Variants in MAPK4 observed in about 807,000 individuals in gnomAD.
MAPK4 encodes the protein mitogen-activated protein kinase 4.
MAPK4 carries 22 observed loss-of-function variants against 47.7 expected under a neutral mutation model. That is an observed-to-expected ratio of 0.46 (90% CI 0.33 to 0.66). The LOEUF is 0.66. Ranked by LOEUF, MAPK4 falls within the 30% of genes least tolerant of loss-of-function variation. The probability of loss-of-function intolerance (pLI) is 0.02; values close to 1 mark genes in which losing one functional copy is unlikely to be tolerated. For synonymous variants in MAPK4, 390 were observed against 365.7 expected (o/e 1.07, Z -0.76); for missense variants, 736 against 831.7 (o/e 0.88, Z 1.42).
rs937159327 is a variant in MAPK4, at chr18:50,729,443, C to T, written c.1353C>T (p.Tyr451=). The change falls in exon 6 of 6, where the codon TAC becomes TAT. Residue 451 remains tyrosine (Y), a synonymous_variant. Coordinates refer to ENST00000400384, the MANE Select transcript of MAPK4 (RefSeq NM_002747.4). ...LLWRDNKPHH[Y]SEPKLILDLS... is the part of the protein sequence containing the mutation. ...GGCGCGACAACAAGCCGCACCACTACTCGGAGCCCAAGCTCATCCTGGACC... is the reference window on the plus strand; with the variant it reads ...GGCGCGACAACAAGCCGCACCACTATTCGGAGCCCAAGCTCATCCTGGACC... 6.5e-7 allele frequency: 1 copy of T among 1,534,606 alleles called. No individual in the cohort carries two copies. The highest frequency in any genetic ancestry group is 1.9e-5 in the Admixed American group (1 of 51,360).
intron 1 of MAPK4, among the ~76,000 whole-genome samples, chr18:50,598,101 C>T (rs1598810223): frequency 6.6e-6 from 1 of 152,230 alleles, no homozygotes; most frequent in Non-Finnish European, 1.5e-5. Context: ...CCCCTCCAAC[C>T]ACTACCACAA....
chr18:50,597,897 A>G (rs1205710076), intron 1 of MAPK4, among the ~76,000 whole-genome samples: 1 of 152,214 alleles, frequency 6.6e-6, no homozygotes, highest in African/African-American at 2.4e-5. Context: ...CTCTGAAAAT[A>G]TATAAAAGTG....
chr18:50,689,638 C>T (rs1029045664), intron 2 of MAPK4, among the ~76,000 whole-genome samples: 15 of 152,156 alleles, frequency 9.9e-5, no homozygotes, highest in African/African-American at 3.6e-4. Context: ...GTAGCTCACG[C>T]CTGTAATCCC....
intron 1 of MAPK4, among the ~76,000 whole-genome samples, chr18:50,615,981 T>G (rs1472329274): frequency 1.3e-5 from 2 of 152,206 alleles, no homozygotes; most frequent in Non-Finnish European, 2.9e-5. Flanking sequence ...TCAGTTCTTC[T>G]TTTTCCATAA....
At chr18:50,601,678 T>A (rs1413039866) in intron 1 of MAPK4, among the ~76,000 whole-genome samples, 1 of 152,166 alleles carries the variant, frequency 6.6e-6, no homozygotes, top group African/African-American at 2.4e-5. Flanking sequence ...TTCTTGGAGA[T>A]CCTGTTTGCT....
chr18:50,652,879 C>T, intron 1 of MAPK4, among the ~76,000 whole-genome samples: 1 of 151,950 alleles, frequency 6.6e-6, no homozygotes, highest in Non-Finnish European at 1.5e-5. Context: ...TAAACTTAGA[C>T]CTAAAGGATG....
intron 2 of MAPK4, among the ~76,000 whole-genome samples, chr18:50,701,639 C>T (rs898924151): frequency 2.6e-5 from 4 of 152,250 alleles, no homozygotes; most frequent in South Asian, 2.1e-4. Context: ...CATGCAAACA[C>T]GGCCCACCCT....
chr18:50,605,270 G>A (rs1287580255), intron 1 of MAPK4, among the ~76,000 whole-genome samples: 2 of 152,208 alleles, frequency 1.3e-5, no homozygotes, highest in Non-Finnish European at 2.9e-5. Context: ...GGGCACTGGG[G>A]AAACATCTTT....
chr18:50,663,692 T>G lies in MAPK4; in HGVS notation c.-267T>G. The stretch of plus-strand genomic sequence containing the variant: ...GAGCCATTCTAAGCTTTAAGAAGGG[T>G]TCAGGAAACACAGGAATTAGTAGAC... On this transcript the variant is annotated 5_prime_UTR_variant, in exon 2 of 6. Coordinates refer to ENST00000400384, the MANE Select transcript of MAPK4 (RefSeq NM_002747.4). The G allele has an allele frequency of 2.8e-6, 1 of 363,512 alleles. No homozygotes were observed. 22.5% of individuals were successfully genotyped at this position (363,512 alleles called of 1,614,324 possible).
At chr18:50,655,277 C>G (rs1050759568) in intron 1 of MAPK4, among the ~76,000 whole-genome samples, 2 of 152,142 alleles carry the variant, frequency 1.3e-5, no homozygotes, top group African/African-American at 4.8e-5. Context: ...AGTGGTTCCT[C>G]TGCTTGAGAT....
intron 1 of MAPK4, among the ~76,000 whole-genome samples, chr18:50,650,644 A>C (rs972532237): frequency 6.6e-6 from 1 of 152,152 alleles, no homozygotes; most frequent in Non-Finnish European, 1.5e-5. Context: ...TGTACTAGGC[A>C]CCAGCCCTGC....
At chr18:50,590,667 TG>T (rs1381936277) in intron 1 of MAPK4, among the ~76,000 whole-genome samples, 2 of 152,236 alleles carry the variant, frequency 1.3e-5, no homozygotes, top group African/African-American at 4.8e-5. Flanking sequence ...TGCAAAAATT[TG>T]AGTGTGCATT....
At chr18:50,653,559 G>A (rs750736965) in intron 1 of MAPK4, among the ~76,000 whole-genome samples, 3 of 152,332 alleles carry the variant, frequency 2.0e-5, no homozygotes, top group African/African-American at 4.8e-5. Flanking sequence ...TTGGAACCAC[G>A]CCTAGTTTAG....
chr18:50,723,633 C>T (rs1039751758), intron 4 of MAPK4, among the ~76,000 whole-genome samples: 2 of 152,226 alleles, frequency 1.3e-5, no homozygotes, highest in South Asian at 2.1e-4. Flanking sequence ...GAGGCCGAGG[C>T]GGGCAGACCT....
intron 2 of MAPK4, among the ~76,000 whole-genome samples, chr18:50,700,389 A>G (rs938455557): frequency 6.6e-6 from 1 of 152,060 alleles, no homozygotes; most frequent in Non-Finnish European, 1.5e-5. Context: ...CTCTTGACAA[A>G]CTCTCCATAT....
At chr18:50,604,635 T>G (rs1430161544) in intron 1 of MAPK4, among the ~76,000 whole-genome samples, 1 of 152,260 alleles carries the variant, frequency 6.6e-6, no homozygotes, top group Non-Finnish European at 1.5e-5. Flanking sequence ...TTCTAAGTTC[T>G]ATGTTTAACT....
chr18:50,569,127 A>G (rs964644317), intron 1 of MAPK4, among the ~76,000 whole-genome samples: 30 of 152,278 alleles, frequency 2.0e-4, no homozygotes, highest in African/African-American at 6.5e-4. Flanking sequence ...TGTGTGCCTC[A>G]TTATCTTTAA....
At chr18:50,666,587 C>G (rs982108758) in intron 2 of MAPK4, among the ~76,000 whole-genome samples, 1 of 152,000 alleles carries the variant, frequency 6.6e-6, no homozygotes, top group African/African-American at 2.4e-5. Flanking sequence ...TCACTTGGGA[C>G]TGGAAGCCAC....
At chr18:50,666,432 T>G (rs1907607040) in intron 2 of MAPK4, among the ~76,000 whole-genome samples, 1 of 152,228 alleles carries the variant, frequency 6.6e-6, no homozygotes. Context: ...GTAAAATTCC[T>G]TGGAAAGCAG....
Sources: allele counts gnomAD v4.1 joint callset (sites outside exome capture counted in the v4.1 genomes callset), GRCh38; gene constraint gnomAD v4.1.1; transcripts MANE v1.5; gene names NCBI Gene and HGNC (gene_info 2026-07-23, HGNC 2026-07-21).